Variants in CFAP47 observed in about 807,000 individuals in gnomAD.
CFAP47 encodes cilia and flagella associated protein 47, also known as cilia- and flagella-associated protein 47.
A neutral mutation model predicts 148.1 loss-of-function variants in CFAP47; 29 were observed. The ratio of observed to expected loss-of-function variants is 0.20; its 90% CI spans 0.15 to 0.27. The LOEUF (loss-of-function observed/expected upper bound fraction) is 0.27, where lower values mean the gene tolerates loss of function less well. CFAP47 is among the 10% of genes least tolerant of loss of function. The pLI, the probability that CFAP47 is intolerant of heterozygous loss-of-function variation, is 1.00. For missense variants in CFAP47, 1,872 were observed against 1,697.5 expected (o/e 1.10, Z -1.81); for synonymous variants, 664 against 577.3 (o/e 1.15, Z -2.15).
intron 52 of CFAP47, among the ~76,000 whole-genome samples, chrX:36,300,608 A>T (rs1183224463): frequency 8.9e-6 from 1 of 111,863 alleles, no homozygotes; most frequent in Non-Finnish European, 1.9e-5. Context: ...ACTTGTTTAG[A>T]CTGTCACAAG....
At position 36,035,812 on chromosome X, in the gene CFAP47, C is replaced by A. The variant is rs1368224655; in HGVS notation, c.3769C>A (p.Arg1257=). 1 of 293,922 alleles carries A rather than the reference C, an allele frequency of 3.4e-6. No individual in the cohort carries two copies. The highest frequency in any genetic ancestry group is 5.9e-6 in the Non-Finnish European group (1 of 169,006). 24.2% of individuals were successfully genotyped at this position (293,922 alleles called of 1,213,427 possible). Reference sequence around the variant, plus strand: ...GTTCAGTGTACTGAATGGGATTCTACGACCAAATGAAAAGTATAATGTTTC... The same window carrying A: ...GTTCAGTGTACTGAATGGGATTCTAAGACCAAATGAAAAGTATAATGTTTC... The part of the protein sequence containing the change: ...FKFSVLNGIL[R]PNEKYNVSIS... Residue 1257 remains arginine, a synonymous_variant, in exon 24 of 64, where the codon CGA becomes AGA. Transcript: ENST00000378653.
intron 40 of CFAP47, among the ~76,000 whole-genome samples, chrX:36,185,401 G>A (rs1267613269): frequency 9.0e-6 from 1 of 110,977 alleles, no homozygotes; most frequent in Non-Finnish European, 1.9e-5. Flanking sequence ...CAGGGCAGGG[G>A]AAGCACATTC....
chrX:36,176,509 A>G (rs1411963971), intron 39 of CFAP47, among the ~76,000 whole-genome samples: 2 of 112,566 alleles, frequency 1.8e-5, no homozygotes, highest in African/African-American at 6.5e-5. Flanking sequence ...GCCCACTTCA[A>G]TCCAATTGAG....
At chrX:35,979,009 C>T (rs1380380390) in intron 15 of CFAP47, among the ~76,000 whole-genome samples, 1 of 111,417 alleles carries the variant, frequency 9.0e-6, no homozygotes, top group African/African-American at 3.3e-5. Flanking sequence ...CAAAGTTTCA[C>T]TGTTGTTGCC....
chrX:36,123,634 G>A (rs768652531), intron 33 of CFAP47, among the ~76,000 whole-genome samples: 2 of 110,789 alleles, frequency 1.8e-5, no homozygotes, highest in Admixed American at 9.6e-5. Context: ...GGGCTCTTCA[G>A]TAAGCTTGTA....
At chrX:36,105,972 A>G (rs1227988991) in intron 33 of CFAP47, among the ~76,000 whole-genome samples, 1 of 112,216 alleles carries the variant, frequency 8.9e-6, no homozygotes, top group East Asian at 2.8e-4. Context: ...ACTGAGTCCA[A>G]TGCCTTTACA....
intron 22 of CFAP47, among the ~76,000 whole-genome samples, chrX:36,023,436 T>G (rs1204976912): frequency 9.0e-6 from 1 of 111,436 alleles, no homozygotes; most frequent in Non-Finnish European, 1.9e-5. Flanking sequence ...TTTCACCCAA[T>G]GCCTCCTATA....
intron 54 of CFAP47, among the ~76,000 whole-genome samples, 183 bp from the exon 55 acceptor site, chrX:36,306,589 G>C (rs782652477): frequency 1.5e-3 from 163 of 110,865 alleles, no homozygotes; most frequent in Non-Finnish European, 2.0e-3. Context: ...CCCCAAACAC[G>C]GTTTAACATG....
intron 2 of CFAP47, among the ~76,000 whole-genome samples, chrX:35,940,069 GT>G (rs1207329972): frequency 3.6e-5 from 4 of 111,339 alleles, no homozygotes; most frequent in African/African-American, 1.3e-4. Context: ...TTTTTCATGT[GT>G]TTTTTGGCTG....
At chrX:36,371,710 ATG>A (rs797041888) in intron 62 of CFAP47, among the ~76,000 whole-genome samples, 2 of 62,891 alleles carry the variant, frequency 3.2e-5, no homozygotes, top group African/African-American at 7.3e-5. Flanking sequence ...ATGTGTATAT[ATG>A]TGTGTATATA....
intron 33 of CFAP47, among the ~76,000 whole-genome samples, chrX:36,121,296 T>A (rs957682557): frequency 9.0e-6 from 1 of 111,159 alleles, no homozygotes; most frequent in East Asian, 2.8e-4. Context: ...TCATTGAGTA[T>A]TGTTTTTTAT....
At chrX:36,003,655 C>T in intron 21 of CFAP47, among the ~76,000 whole-genome samples, 1 of 110,292 alleles carries the variant, frequency 9.1e-6, no homozygotes, top group South Asian at 3.8e-4. Context: ...ATGACAAACC[C>T]ACAGCCAACA....
intron 53 of CFAP47, among the ~76,000 whole-genome samples, chrX:36,303,478 C>T (rs1941318484): frequency 9.0e-6 from 1 of 110,577 alleles, no homozygotes; most frequent in Non-Finnish European, 1.9e-5. Context: ...AGCCACTGTG[C>T]CTGGTCTTTT....
At chrX:36,114,879 A>G (rs1181232575) in intron 33 of CFAP47, among the ~76,000 whole-genome samples, 4 of 112,139 alleles carry the variant, frequency 3.6e-5, no homozygotes, top group Non-Finnish European at 7.5e-5. Flanking sequence ...TATCAGCTGC[A>G]TTAGGGTGCT....
intron 30 of CFAP47, among the ~76,000 whole-genome samples, chrX:36,092,835 T>G (rs1197485799): frequency 9.1e-6 from 1 of 110,447 alleles, no homozygotes. Flanking sequence ...TGTTATCCAA[T>G]ACTACACTTT....
intron 33 of CFAP47, among the ~76,000 whole-genome samples, chrX:36,106,897 G>T (rs985502003): frequency 1.8e-5 from 2 of 111,470 alleles, no homozygotes; most frequent in African/African-American, 6.5e-5. Context: ...CTATAATTAT[G>T]AATACATGTC....
intron 39 of CFAP47, 107 bp downstream of exon 39, chrX:36,160,876 G>GGCA: frequency 4.4e-6 from 1 of 225,547 alleles, no homozygotes. Context: ...TTTTGAGACA[G>GGCA]TCTCGCTCTG....
intron 22 of CFAP47, among the ~76,000 whole-genome samples, chrX:36,026,312 G>A (rs1235105479): frequency 9.0e-6 from 1 of 111,299 alleles, no homozygotes; most frequent in African/African-American, 3.3e-5. Flanking sequence ...TTTTTATTGT[G>A]TATATTTAAG....
chrX:35,924,561 GCATATA>G (rs1326423933), intron 1 of CFAP47, among the ~76,000 whole-genome samples: 32 of 104,413 alleles, frequency 3.1e-4, no homozygotes, highest in African/African-American at 1.0e-3. Flanking sequence ...GTATATATGC[GCATATA>G]TGTGTATATA....
Sources: gnomAD v4.1 joint callset for allele counts (sites outside exome capture counted in the v4.1 genomes callset) on GRCh38, gnomAD v4.1.1 for gene constraint, MANE v1.5 for transcripts, NCBI Gene and HGNC (gene_info 2026-07-23, HGNC 2026-07-21) for gene names.